LUZP2: variants seen among roughly 807,000 people sequenced by gnomAD.
The protein encoded by LUZP2 is leucine zipper protein 2.
LUZP2 carries 52 observed loss-of-function variants against 51.6 expected under a neutral mutation model. That is an observed-to-expected ratio of 1.01 (90% CI 0.81 to 1.27). The LOEUF (loss-of-function observed/expected upper bound fraction) is 1.27. Ranked by LOEUF, LUZP2 falls within the 50% of genes most tolerant of loss-of-function variation. The pLI is 0.00. For synonymous variants in LUZP2, 154 were observed against 137.3 expected, an observed-to-expected ratio of 1.12 and a Z score of -0.85; for missense variants, 436 against 395.4, an observed-to-expected ratio of 1.10 and a Z score of -0.87.
At chr11:24,990,568 A>G (rs1856307921) in intron 9 of LUZP2, among the ~76,000 whole-genome samples, 1 of 151,998 alleles carries the variant, frequency 6.6e-6, no homozygotes, top group Non-Finnish European at 1.5e-5. Context: ...CTGGAAAACC[A>G]TTTATATGGG....
chr11:25,064,845 A>G (rs1204735002), intron 10 of LUZP2, among the ~76,000 whole-genome samples: 2 of 152,022 alleles, frequency 1.3e-5, no homozygotes, highest in Non-Finnish European at 2.9e-5. Flanking sequence ...ATTTGATAGT[A>G]TGTCTTAATT....
At chr11:24,926,953 A>G (rs565910087) in intron 7 of LUZP2, among the ~76,000 whole-genome samples, 2 of 151,876 alleles carry the variant, frequency 1.3e-5, no homozygotes, top group South Asian at 4.1e-4. Flanking sequence ...ATAAAGTAGT[A>G]TCACAGTATC....
chr11:24,511,668 C>T (rs779916237), intron 1 of LUZP2, among the ~76,000 whole-genome samples: 1 of 152,086 alleles, frequency 6.6e-6, no homozygotes, highest in Non-Finnish European at 1.5e-5. Context: ...ACTTTAAAGG[C>T]AAAGTTCATA....
At chr11:24,682,732 G>A (rs148911322) in intron 1 of LUZP2, among the ~76,000 whole-genome samples, 1 of 151,828 alleles carries the variant, frequency 6.6e-6, no homozygotes, top group Non-Finnish European at 1.5e-5. Context: ...GTGGCCAGGT[G>A]CAGTGACTCA....
intron 9 of LUZP2, among the ~76,000 whole-genome samples, chr11:24,986,657 T>C (rs1319535308): frequency 6.6e-6 from 1 of 151,578 alleles, no homozygotes; most frequent in Non-Finnish European, 1.5e-5. Flanking sequence ...TAGAGCTAGA[T>C]GCACAGTAGT....
chr11:24,509,034 T>C (rs1850224303), intron 1 of LUZP2, among the ~76,000 whole-genome samples: 1 of 152,130 alleles, frequency 6.6e-6, no homozygotes, highest in African/African-American at 2.4e-5. Flanking sequence ...CTGTTGGGAC[T>C]ACATGTAGAA....
intron 5 of LUZP2, among the ~76,000 whole-genome samples, chr11:24,899,208 C>A (rs914491748): frequency 6.6e-6 from 1 of 151,920 alleles, no homozygotes; most frequent in Non-Finnish European, 1.5e-5. Context: ...AATTATGTGT[C>A]TTTTATAATT....
At chr11:24,512,519 C>A (rs920728919) in intron 1 of LUZP2, among the ~76,000 whole-genome samples, 5 of 151,996 alleles carry the variant, frequency 3.3e-5, no homozygotes, top group African/African-American at 1.2e-4. Context: ...ATGAAGTTAC[C>A]TAAGTATGTA....
At chr11:24,539,091 CTTT>C (rs1157486192) in intron 1 of LUZP2, among the ~76,000 whole-genome samples, 1 of 151,764 alleles carries the variant, frequency 6.6e-6, no homozygotes, top group Non-Finnish European at 1.5e-5. Flanking sequence ...AAATATTTCA[CTTT>C]TTATGTCATA....
At chr11:24,700,355 C>A (rs192915157) in intron 1 of LUZP2, among the ~76,000 whole-genome samples, 1 of 152,134 alleles carries the variant, frequency 6.6e-6, no homozygotes, top group African/African-American at 2.4e-5. Context: ...TAAGCCACCA[C>A]GCCCGGCTTA....
In LUZP2 at chr11:24,728,434, C is replaced by T. The variant is rs117629963; in HGVS notation, c.63-735C>T. Among the ~76,000 whole-genome samples the T allele has an allele frequency of 6.6e-3, 1,005 of 152,070 alleles. 6 individuals carry two copies. The highest frequency in any genetic ancestry group is 0.011 in the Non-Finnish European group (717 of 67,942). ...CCTGCTTCTGCTCTAGTTAGGCCAG[C>T]GTAATCTTTTGTCTGGACTATTGCA... On this transcript the variant is annotated intron_variant, in intron 1 of 11. Coordinates refer to ENST00000336930, the MANE Select transcript of LUZP2 (RefSeq NM_001009909.4).
intron 1 of LUZP2, among the ~76,000 whole-genome samples, chr11:24,509,888 C>G (rs566239679): frequency 6.6e-6 from 1 of 152,122 alleles, no homozygotes; most frequent in South Asian, 2.1e-4. Flanking sequence ...CCTATATATT[C>G]TTTTACTTGA....
In LUZP2 at chr11:24,978,390, A is replaced by C. The variant is rs12574681; in HGVS notation, c.597+1725A>C. On this transcript the variant is annotated intron_variant, in intron 8 of 11. Transcript: ENST00000336930. ...CACCTTTGTTTTAGTCCTTTCTCTG[A>C]CATTCCTGTACAGTCGCTGCAATAT... Among the ~76,000 whole-genome samples the C allele has an allele frequency of 7.4e-3, 1,118 of 151,870 alleles. 26 individuals carry two copies. The East Asian group carries it at 0.092, about 12-fold the overall frequency.
intron 5 of LUZP2, among the ~76,000 whole-genome samples, chr11:24,886,617 C>T (rs926701772): frequency 2.6e-5 from 4 of 152,124 alleles, no homozygotes; most frequent in Admixed American, 6.5e-5. Flanking sequence ...ATGCATTAGT[C>T]TGATTTATTA....
intron 4 of LUZP2, among the ~76,000 whole-genome samples, chr11:24,741,215 T>G (rs1859127046): frequency 1.3e-5 from 2 of 152,024 alleles, no homozygotes; most frequent in Non-Finnish European, 2.9e-5. Context: ...ATTGAAATGT[T>G]TGAGAGTGAC....
intron 1 of LUZP2, among the ~76,000 whole-genome samples, chr11:24,715,848 C>T (rs1490594478): frequency 6.6e-6 from 1 of 151,624 alleles, no homozygotes; most frequent in Non-Finnish European, 1.5e-5. Context: ...TAGAAGGATC[C>T]AATAAAATAT....
At chr11:24,543,881 A>G (rs933693540) in intron 1 of LUZP2, among the ~76,000 whole-genome samples, 1 of 147,910 alleles carries the variant, frequency 6.8e-6, no homozygotes, top group Non-Finnish European at 1.5e-5. Flanking sequence ...CCGGGTAGCT[A>G]TATTTAGGTA....
chr11:24,826,687 G>A (rs1344914047), intron 5 of LUZP2, among the ~76,000 whole-genome samples: 6 of 151,878 alleles, frequency 4.0e-5, no homozygotes, highest in Non-Finnish European at 7.4e-5. Context: ...GCCCACAAAT[G>A]GAAATGTCTA....
chr11:24,597,855 A>C (rs1303942242), intron 1 of LUZP2, among the ~76,000 whole-genome samples: 1 of 152,278 alleles, frequency 6.6e-6, no homozygotes, highest in Admixed American at 6.5e-5. Flanking sequence ...TAATCCTAGC[A>C]TTTTTGGAGG....
Sources: gnomAD v4.1 joint callset for allele counts (sites outside exome capture counted in the v4.1 genomes callset) on GRCh38, gnomAD v4.1.1 for gene constraint, MANE v1.5 for transcripts, NCBI Gene and HGNC (gene_info 2026-07-23, HGNC 2026-07-21) for gene names.